Variants in SLC2A9 observed in about 807,000 individuals in gnomAD.
The protein encoded by SLC2A9 is solute carrier family 2 member 9.
In SLC2A9, 39 loss-of-function variants were observed where a neutral mutation model predicts 50.6. The ratio of observed to expected loss-of-function variants is 0.77; its 90% CI spans 0.60 to 1.01. The LOEUF is 1.01. SLC2A9 is among the 50% of genes least tolerant of loss of function. The pLI, the probability that SLC2A9 is intolerant of heterozygous loss-of-function variation, is 0.00. For synonymous variants in SLC2A9, 324 were observed against 276.9 expected (o/e 1.17, Z -1.69); for missense variants, 686 against 677.6 (o/e 1.01, Z -0.14).
chr4:9,944,497 G>T (rs187545912), intron 5 of SLC2A9, among the ~76,000 whole-genome samples: 3 of 152,120 alleles, frequency 2.0e-5, no homozygotes, highest in Admixed American at 2.0e-4. Context: ...AAGGGGGGTC[G>T]CATGGGTGAC....
chr4:9,972,773 A>AT (rs1352073376), intron 5 of SLC2A9, among the ~76,000 whole-genome samples: 1 of 152,206 alleles, frequency 6.6e-6, no homozygotes. Context: ...AACATACCAA[A>AT]ATCTCTGAGA....
Position 9,996,871 on chromosome 4 carries a change from G to A in SLC2A9, c.320C>T (p.Thr107Ile). The change falls in exon 3 of 12, where the codon ACT becomes ATT. Residue 107 changes from threonine to isoleucine, a missense_variant. Coordinates refer to ENST00000264784, the MANE Select transcript of SLC2A9 (RefSeq NM_020041.3). ...GGACACAGTCACAGACCAGAGCAAA[G>A]TCAGAGTGTCTGGGTCTATTGGACG... Reference protein sequence around the residue: ...HGRPIDPDTLTLLWSVTVSIF... With the variant: ...HGRPIDPDTLILLWSVTVSIF... 2 of 1,614,140 alleles carry A rather than the reference G, an allele frequency of 1.2e-6. No individual in the cohort carries two copies. The highest frequency in any genetic ancestry group is 1.7e-5 in the Admixed American group (1 of 60,034).
chr4:9,802,775 C>A (rs946437259), intron 3 of SLC2A9, among the ~76,000 whole-genome samples: 1 of 152,020 alleles, frequency 6.6e-6, no homozygotes, highest in Non-Finnish European at 1.5e-5. Context: ...GTTGGCCGGG[C>A]TGGTCTCAAA....
chr4:10,007,629 G>A (rs1761030979), intron 2 of SLC2A9, among the ~76,000 whole-genome samples: 1 of 152,234 alleles, frequency 6.6e-6, no homozygotes, highest in African/African-American at 2.4e-5. Context: ...ACAGTCCTGA[G>A]CCTTCCTCCT....
intron 5 of SLC2A9, among the ~76,000 whole-genome samples, chr4:9,968,351 C>T (rs765492374): frequency 6.6e-6 from 1 of 152,098 alleles, no homozygotes; most frequent in African/African-American, 2.4e-5. Flanking sequence ...CACTTTCTTT[C>T]CTTGAGAAGG....
downstream of SLC2A9, among the ~76,000 whole-genome samples, chr4:9,798,276 G>A (rs1720839188): frequency 6.6e-6 from 1 of 152,160 alleles, no homozygotes; most frequent in Admixed American, 6.5e-5. Context: ...TTCATCAACT[G>A]GCTCCAATCA....
chr4:10,012,866 G>A (rs1025356821), intron 2 of SLC2A9, among the ~76,000 whole-genome samples: 9 of 152,214 alleles, frequency 5.9e-5, no homozygotes, highest in Non-Finnish European at 7.4e-5. Context: ...CATGTGTCAC[G>A]GCCCCAGGTA....
chr4:9,846,581 G>A (rs74733004), intron 10 of SLC2A9, among the ~76,000 whole-genome samples: 1,602 of 152,278 alleles, frequency 0.011, 36 homozygotes, highest in African/African-American at 0.036. Flanking sequence ...CTAGACCTCA[G>A]TTTCCTTGCC....
Position 9,941,828 on chromosome 4 carries a change from T to C in SLC2A9, c.814+85A>G, listed in dbSNP as rs1292599345. ...GGAACAATGACAACACCCCTTCCTG[T>C]GCCCATTGGCCCAGGTCCCAGCATG... is the stretch of plus-strand genomic sequence containing the variant. On this transcript the variant is annotated intron_variant, in intron 6 of 11. Transcript: ENST00000264784. The C allele has an allele frequency of 1.9e-6, 3 of 1,573,704 alleles. No homozygotes were observed. In the African/African-American group the frequency reaches 4.1e-5, roughly 21 times the overall value.
intron 3 of SLC2A9, among the ~76,000 whole-genome samples, chr4:9,811,170 T>G (rs1052518494): frequency 1.1e-4 from 17 of 152,200 alleles, no homozygotes; most frequent in African/African-American, 4.1e-4. Context: ...ATAGGGCCAA[T>G]ACAAATCTTC....
intron 3 of SLC2A9, among the ~76,000 whole-genome samples, chr4:9,807,315 C>T (rs1422089662): frequency 6.6e-6 from 1 of 152,154 alleles, no homozygotes; most frequent in African/African-American, 2.4e-5. Context: ...TTCTAGAATG[C>T]CCTTTCTTCC....
chr4:9,997,811 A>G (rs1758991401), intron 2 of SLC2A9, among the ~76,000 whole-genome samples: 1 of 152,218 alleles, frequency 6.6e-6, no homozygotes, highest in Non-Finnish European at 1.5e-5. Flanking sequence ...AATATAATCA[A>G]GATTAACATC....
intron 10 of SLC2A9, among the ~76,000 whole-genome samples, chr4:9,871,172 C>G (rs1405517855): frequency 6.6e-6 from 1 of 152,112 alleles, no homozygotes; most frequent in African/African-American, 2.4e-5. Flanking sequence ...CTTGCCCACT[C>G]ACCATTGTTT....
chr4:9,912,154 C>A (rs1050185497), intron 7 of SLC2A9, among the ~76,000 whole-genome samples: 1 of 151,554 alleles, frequency 6.6e-6, no homozygotes, highest in Admixed American at 6.6e-5. Context: ...GTGGGGGGAG[C>A]GGGGAGGGAG....
chr4:10,022,839 A>T (rs1233728292), upstream of SLC2A9, among the ~76,000 whole-genome samples: 2 of 152,182 alleles, frequency 1.3e-5, no homozygotes, highest in African/African-American at 4.8e-5. Flanking sequence ...GCAAGTGGGG[A>T]ATCAAGACTT....
At chr4:9,979,379 C>G (rs1485321219) in intron 5 of SLC2A9, among the ~76,000 whole-genome samples, 1 of 152,148 alleles carries the variant, frequency 6.6e-6, no homozygotes, top group Non-Finnish European at 1.5e-5. Context: ...AGCTGTTTGT[C>G]TGTTGTGCAC....
At chr4:9,781,334 C>T (rs1718328679) in intron 3 of SLC2A9, among the ~76,000 whole-genome samples, 1 of 152,262 alleles carries the variant, frequency 6.6e-6, no homozygotes, top group African/African-American at 2.4e-5. Context: ...CTCTTTCCCC[C>T]TCCGGAAGCC....
chr4:9,791,923 T>C (rs1247747874), intron 3 of SLC2A9, among the ~76,000 whole-genome samples: 5 of 152,212 alleles, frequency 3.3e-5, no homozygotes, highest in Non-Finnish European at 7.3e-5. Context: ...TATTTAGCAA[T>C]AGATAACTAA....
intron 2 of SLC2A9, among the ~76,000 whole-genome samples, chr4:9,997,378 C>T (rs186276507): frequency 6.6e-6 from 1 of 152,234 alleles, no homozygotes; most frequent in East Asian, 1.9e-4. Flanking sequence ...TTCTAGTGCA[C>T]CGCAGCATTG....
Sources: gnomAD v4.1 joint callset for allele counts (sites outside exome capture counted in the v4.1 genomes callset) on GRCh38, gnomAD v4.1.1 for gene constraint, MANE v1.5 for transcripts, NCBI Gene and HGNC (gene_info 2026-07-23, HGNC 2026-07-21) for gene names.